Variants in MOB1B observed in about 807,000 individuals in gnomAD.
MOB1B encodes the protein MOB kinase activator 1B.
Under a neutral mutation model 24.4 loss-of-function variants are expected in MOB1B, and 19 were observed. The ratio of observed to expected loss-of-function variants is 0.78; its 90% CI spans 0.54 to 1.14. The LOEUF (loss-of-function observed/expected upper bound fraction) is 1.14. MOB1B is among the 50% of genes most tolerant of loss of function. The pLI is 0.00. For synonymous variants in MOB1B, 76 were observed against 82.1 expected (o/e 0.93, Z 0.40); for missense variants, 243 against 259.6 (o/e 0.94, Z 0.44).
intron 1 of MOB1B, among the ~76,000 whole-genome samples, chr4:70,940,249 C>T (rs184181545): frequency 7.6e-4 from 115 of 152,250 alleles, no homozygotes; most frequent in Non-Finnish European, 1.3e-3. Context: ...GGCAGGAGTG[C>T]CTGTCCTCAC....
Position 70,986,054 on chromosome 4 carries a change from A to C in MOB1B, c.*3997A>C, listed in dbSNP as rs1578411554. 6.6e-6 allele frequency: 1 copy of C among 152,332 alleles called. No homozygotes were observed. Among genetic ancestry groups the C allele is most frequent in the East Asian group, 1.9e-4 (1 of 5,190 alleles). The allele number at this position is 152,332 out of a possible 1,614,324, so 9.4% of individuals were successfully genotyped here. On this transcript the variant is annotated 3_prime_UTR_variant, in exon 6 of 6. Coordinates refer to ENST00000309395, the MANE Select transcript of MOB1B (RefSeq NM_173468.4). ...TTACTTTTTAAAAACATTCAGCTTA[A>C]TTACCTTACCTTAATTACCTTAGTT...
intron 1 of MOB1B, among the ~76,000 whole-genome samples, chr4:70,957,755 T>G (rs1008748568): frequency 9.8e-6 from 1 of 101,948 alleles, no homozygotes. Flanking sequence ...CCTGCCTTAT[T>G]TTTTTTTTTT....
intron 1 of MOB1B, among the ~76,000 whole-genome samples, chr4:70,915,036 C>G (rs1343759916): frequency 6.6e-6 from 1 of 152,176 alleles, no homozygotes; most frequent in African/African-American, 2.4e-5. Flanking sequence ...AGACTTAGCT[C>G]AATCGATTGG....
chr4:70,960,707 A>G (rs569790735), intron 2 of MOB1B, among the ~76,000 whole-genome samples: 15 of 152,292 alleles, frequency 9.8e-5, no homozygotes, highest in African/African-American at 2.9e-4. Context: ...TGTTTGCTTT[A>G]TTGATGAGGC....
intron 1 of MOB1B, among the ~76,000 whole-genome samples, chr4:70,934,413 T>C (rs1382220411): frequency 6.6e-6 from 1 of 151,770 alleles, no homozygotes; most frequent in Non-Finnish European, 1.5e-5. Flanking sequence ...CAATATATAT[T>C]ATGTAAACAC....
At chr4:70,920,754 A>G (rs1013497300) in intron 1 of MOB1B, among the ~76,000 whole-genome samples, 1 of 152,136 alleles carries the variant, frequency 6.6e-6, no homozygotes, top group Admixed American at 6.6e-5. Flanking sequence ...GAATACTCAC[A>G]AATAGTTTAC....
chr4:70,937,276 T>A (rs182056624), intron 1 of MOB1B, among the ~76,000 whole-genome samples: 2 of 152,108 alleles, frequency 1.3e-5, no homozygotes, highest in African/African-American at 4.8e-5. Flanking sequence ...CTTCTTTTTT[T>A]TTTCTGAATT....
chr4:70,966,614 T>G (rs1004844881), intron 2 of MOB1B, among the ~76,000 whole-genome samples: 2 of 152,038 alleles, frequency 1.3e-5, no homozygotes, highest in Non-Finnish European at 2.9e-5. Flanking sequence ...CCTCAGGTGA[T>G]CCACCTGCGT....
chr4:70,965,796 CAAAAAAAA>C (rs71211986), intron 2 of MOB1B, among the ~76,000 whole-genome samples: 5 of 28,704 alleles, frequency 1.7e-4, no homozygotes, highest in East Asian at 9.0e-4. Flanking sequence ...GACTCCGTCT[CAAAAAAAA>C]AAAAAAAAAA....
At chr4:70,911,373 C>T (rs1735981236) in intron 1 of MOB1B, among the ~76,000 whole-genome samples, 1 of 151,188 alleles carries the variant, frequency 6.6e-6, no homozygotes, top group Admixed American at 6.6e-5. Context: ...TTTAATATAA[C>T]ATTAAAAAGG....
intron 1 of MOB1B, among the ~76,000 whole-genome samples, chr4:70,941,259 AAT>A (rs892890110): frequency 6.6e-6 from 1 of 151,924 alleles, no homozygotes; most frequent in Non-Finnish European, 1.5e-5. Flanking sequence ...TTAGACATGA[AAT>A]ATGTTCTCAG....
At chr4:70,976,753 C>CATATATATATATATATATATATTT (rs376072053) in intron 4 of MOB1B, 1 of 181,616 alleles carries the variant, frequency 5.5e-6, no homozygotes, top group African/African-American at 3.1e-5. Context: ...GACTGAATTA[C>CATATATATATATATATATATATTT]ATATATATAT....
chr4:70,943,068 A>G (rs1461188241), intron 1 of MOB1B, among the ~76,000 whole-genome samples: 2 of 152,200 alleles, frequency 1.3e-5, no homozygotes, highest in South Asian at 4.1e-4. Flanking sequence ...AAAAGAGTGT[A>G]TGCTTTTTGT....
At chr4:70,907,405 C>T (rs775245920) in intron 1 of MOB1B, among the ~76,000 whole-genome samples, 3 of 151,676 alleles carry the variant, frequency 2.0e-5, no homozygotes, top group Non-Finnish European at 2.9e-5. Context: ...TTATGGGTCT[C>T]TTTTGACTAA....
chr4:70,930,965 CTTTTTTT>C (rs71211981), intron 1 of MOB1B, among the ~76,000 whole-genome samples: 5 of 114,280 alleles, frequency 4.4e-5, no homozygotes, highest in African/African-American at 1.3e-4. Context: ...TGTACCTTTC[CTTTTTTT>C]TTTTTTTTTT....
At chr4:70,916,735 G>A (rs1424589053) in intron 1 of MOB1B, among the ~76,000 whole-genome samples, 4 of 152,034 alleles carry the variant, frequency 2.6e-5, no homozygotes, top group Non-Finnish European at 5.9e-5. Flanking sequence ...GCCCAGTTAA[G>A]TTTTTGTATT....
intron 1 of MOB1B, among the ~76,000 whole-genome samples, chr4:70,906,051 T>C (rs980702746): frequency 1.3e-5 from 2 of 151,212 alleles, no homozygotes; most frequent in African/African-American, 2.4e-5. Flanking sequence ...CACTCTAGCC[T>C]GGCTGATAGA....
At position 70,986,359 on chromosome 4, in the gene MOB1B, ATAC is replaced by A. The variant is rs1235906272; in HGVS notation, c.*4305_*4307del. The stretch of plus-strand genomic sequence containing the variant: ...ACAAAGAAATAGGAATAAGTTTCAT[ATAC>A]TAATTATGCTGAGTTTTAAGCCTAC... On this transcript the variant is annotated 3_prime_UTR_variant, in exon 6 of 6. Coordinates refer to ENST00000309395, the MANE Select transcript of MOB1B (RefSeq NM_173468.4). 3 of 152,144 alleles carry A rather than the reference ATAC, an allele frequency of 2.0e-5. No individual in the cohort carries two copies. The highest frequency in any genetic ancestry group is 4.4e-5 in the Non-Finnish European group (3 of 67,996). The allele number at this position is 152,144 out of a possible 1,614,324, so 9.4% of individuals were successfully genotyped here. A position where few individuals can be genotyped will look rare whatever the true frequency, so the allele number is the denominator to read the frequency against.
chr4:70,980,620 T>C (rs1335281947), intron 5 of MOB1B, among the ~76,000 whole-genome samples: 2 of 152,188 alleles, frequency 1.3e-5, no homozygotes, highest in African/African-American at 4.8e-5. Flanking sequence ...TTCTGCTGCC[T>C]GCACCCCTCC....
Sources: gnomAD v4.1 joint callset for allele counts (sites outside exome capture counted in the v4.1 genomes callset) on GRCh38, gnomAD v4.1.1 for gene constraint, MANE v1.5 for transcripts, NCBI Gene and HGNC (gene_info 2026-07-23, HGNC 2026-07-21) for gene names.